CTNNA2: variants seen among roughly 807,000 people sequenced by gnomAD.
The protein encoded by CTNNA2 is catenin alpha-2.
Under a neutral mutation model 101.0 loss-of-function variants are expected in CTNNA2, and 42 were observed. The observed-to-expected ratio is 0.42, with a 90% CI of 0.32 to 0.54. The LOEUF is 0.54. Ranked by LOEUF, CTNNA2 falls within the 20% of genes least tolerant of loss-of-function variation. CTNNA2 has a pLI of 0.14. For synonymous variants in CTNNA2, 450 were observed against 456.4 expected (o/e 0.99, Z 0.18); for missense variants, 871 against 1,223.1 (o/e 0.71, Z 4.29).
intron 7 of CTNNA2, among the ~76,000 whole-genome samples, chr2:80,327,642 C>T (rs568383033): frequency 6.6e-6 from 1 of 152,118 alleles, no homozygotes. Context: ...ACAACGAGGA[C>T]GTGTGGAAAT....
At chr2:80,003,700 A>G (rs141707300) in intron 7 of CTNNA2, among the ~76,000 whole-genome samples, 3 of 152,292 alleles carry the variant, frequency 2.0e-5, no homozygotes, top group Non-Finnish European at 4.4e-5. Flanking sequence ...GAATGGGAAG[A>G]TTTGCAGCTC....
chr2:79,958,031 G>T (rs955247098), intron 7 of CTNNA2, among the ~76,000 whole-genome samples: 2 of 152,114 alleles, frequency 1.3e-5, no homozygotes, highest in Non-Finnish European at 2.9e-5. Context: ...TTATTCACAT[G>T]ACTTGGTTTT....
At position 79,361,923 on chromosome 2, in the gene CTNNA2, T is replaced by C. The variant is rs1056077031; in HGVS notation, c.-317-11908T>C. ...AGATTAATGGTAGGTCTGCCTTTCC[T>C]AGCCCACGACTCAAATATTAATCTC... is the stretch of plus-strand genomic sequence containing the variant. On this transcript the variant is annotated intron_variant, in intron 3 of 21. Transcript: ENST00000466387. Among the ~76,000 whole-genome samples, 4 of 152,202 alleles carry C rather than the reference T, an allele frequency of 2.6e-5. 1 individual carries two copies. The East Asian group carries it at 7.7e-4, about 29-fold the overall frequency.
intron 7 of CTNNA2, among the ~76,000 whole-genome samples, chr2:80,026,999 G>C (rs1694970192): frequency 6.6e-6 from 1 of 152,142 alleles, no homozygotes; most frequent in South Asian, 2.1e-4. Flanking sequence ...GTGGGAGTAG[G>C]GCTAGGGAGA....
chr2:80,025,595 AC>A (rs1350875732), intron 7 of CTNNA2, among the ~76,000 whole-genome samples: 1 of 152,186 alleles, frequency 6.6e-6, no homozygotes, highest in Non-Finnish European at 1.5e-5. Context: ...AGGGAACATG[AC>A]AGGAACTGTT....
intron 7 of CTNNA2, among the ~76,000 whole-genome samples, chr2:80,012,877 A>G (rs1693884246): frequency 6.6e-6 from 1 of 152,162 alleles, no homozygotes; most frequent in African/African-American, 2.4e-5. Flanking sequence ...AATTTAAAAC[A>G]TTCTCGACGA....
chr2:80,180,465 G>A (rs143591283), intron 7 of CTNNA2, among the ~76,000 whole-genome samples: 1 of 152,294 alleles, frequency 6.6e-6, no homozygotes, highest in East Asian at 1.9e-4. Context: ...TCTGATTGCT[G>A]CTTTGCATCT....
chr2:79,555,570 C>CT (rs1674392102), intron 1 of CTNNA2, among the ~76,000 whole-genome samples: 1 of 152,228 alleles, frequency 6.6e-6, no homozygotes, highest in African/African-American at 2.4e-5. Flanking sequence ...ATTTTATTCT[C>CT]AAATGCTATT....
At chr2:80,225,291 T>C (rs934379731) in intron 7 of CTNNA2, among the ~76,000 whole-genome samples, 4 of 152,174 alleles carry the variant, frequency 2.6e-5, no homozygotes, top group African/African-American at 9.7e-5. Context: ...TTCTCAACTT[T>C]GTTTCTTTTA....
At position 80,275,649 on chromosome 2, in the gene CTNNA2, T is replaced by G. The variant is rs187705217; in HGVS notation, c.1057-117562T>G. On this transcript the variant is annotated intron_variant, in intron 7 of 18. Coordinates refer to ENST00000402739, the MANE Select transcript of CTNNA2 (RefSeq NM_001282597.3). The stretch of plus-strand genomic sequence containing the variant: ...TGACACTTCATTTACCCCAGTAACA[T>G]TATCTCAGGAAATTACAGAGAATAT... Among the ~76,000 whole-genome samples the G allele has an allele frequency of 3.7e-4, 56 of 152,196 alleles. 1 individual carries two copies. Among genetic ancestry groups the G allele is most frequent in the African/African-American group, 1.2e-3 (51 of 41,536 alleles).
At chr2:80,426,265 C>T (rs1239779368) in intron 9 of CTNNA2, among the ~76,000 whole-genome samples, 2 of 152,122 alleles carry the variant, frequency 1.3e-5, no homozygotes, top group Middle Eastern at 3.2e-3. Flanking sequence ...CAAAGCAGTT[C>T]GGTCAGGGCT....
intron 7 of CTNNA2, among the ~76,000 whole-genome samples, chr2:80,247,131 A>T (rs974027860): frequency 4.6e-5 from 7 of 152,180 alleles, no homozygotes; most frequent in African/African-American, 1.7e-4. Context: ...CAAGGGAAGG[A>T]TGGAGAAAGC....
chr2:79,310,160 T>A (rs1335164706), intron 2 of CTNNA2, among the ~76,000 whole-genome samples: 3 of 152,148 alleles, frequency 2.0e-5, no homozygotes, highest in Admixed American at 2.0e-4. Flanking sequence ...AGGAGTTTTA[T>A]CTCTTATTTT....
intron 9 of CTNNA2, among the ~76,000 whole-genome samples, chr2:80,486,343 A>G (rs1686580416): frequency 6.6e-6 from 1 of 152,160 alleles, no homozygotes; most frequent in Non-Finnish European, 1.5e-5. Context: ...TTGTGTTCAA[A>G]TCTTGTTTTG....
At chr2:80,270,512 GT>G (rs1673382525) in intron 7 of CTNNA2, among the ~76,000 whole-genome samples, 1 of 152,140 alleles carries the variant, frequency 6.6e-6, no homozygotes, top group African/African-American at 2.4e-5. Flanking sequence ...CCAAACCACA[GT>G]CTTAATTTAA....
At chr2:79,728,959 A>G (rs1156509688) in intron 2 of CTNNA2, among the ~76,000 whole-genome samples, 3 of 152,176 alleles carry the variant, frequency 2.0e-5, no homozygotes, top group Non-Finnish European at 4.4e-5. Context: ...TACCAGTACC[A>G]TGCTGTTTTG....
At chr2:80,542,683 A>G (rs987418836) in intron 9 of CTNNA2, among the ~76,000 whole-genome samples, 31 of 152,040 alleles carry the variant, frequency 2.0e-4, no homozygotes, top group Admixed American at 1.8e-3. Context: ...CTGTTTGCAA[A>G]AGTGTGATCT....
chr2:79,565,526 A>G (rs1234958856), intron 1 of CTNNA2, among the ~76,000 whole-genome samples: 1 of 152,126 alleles, frequency 6.6e-6, no homozygotes, highest in Non-Finnish European at 1.5e-5. Context: ...GCAGTAAGAG[A>G]TGATGGCCTG....
At chr2:79,745,764 A>G (rs1238988054) in intron 3 of CTNNA2, among the ~76,000 whole-genome samples, 1 of 152,146 alleles carries the variant, frequency 6.6e-6, no homozygotes, top group Non-Finnish European at 1.5e-5. Context: ...TCAGAATTCC[A>G]TCGTATGTAT....
Sources: gnomAD v4.1 joint callset for allele counts (sites outside exome capture counted in the v4.1 genomes callset) on GRCh38, gnomAD v4.1.1 for gene constraint, MANE v1.5 for transcripts, NCBI Gene and HGNC (gene_info 2026-07-23, HGNC 2026-07-21) for gene names.